Variants in HECTD4 observed in about 807,000 individuals in gnomAD.
HECTD4 encodes the protein HECT domain E3 ubiquitin protein ligase 4, also known as probable E3 ubiquitin-protein ligase HECTD4.
A neutral mutation model predicts 471.5 loss-of-function variants in HECTD4; 114 were observed. The observed-to-expected ratio is 0.24, with a 90% CI of 0.21 to 0.28. The LOEUF (loss-of-function observed/expected upper bound fraction) is 0.28. Ranked by LOEUF, HECTD4 falls within the 10% of genes least tolerant of loss-of-function variation. The pLI, the probability that HECTD4 is intolerant of heterozygous loss-of-function variation, is 1.00. For synonymous variants in HECTD4, 2,012 were observed against 2,256.0 expected, an observed-to-expected ratio of 0.89 and a Z score of 3.07; for missense variants, 3,866 against 5,651.5, an observed-to-expected ratio of 0.68 and a Z score of 10.13.
intron 72 of HECTD4, 60 bp from the exon 73 acceptor site, chr12:112,164,335 C>T: frequency 6.5e-7 from 1 of 1,544,366 alleles, no homozygotes; most frequent in Non-Finnish European, 8.8e-7. Context: ...AACCCTGATC[C>T]CCAGGTGGCT....
chr12:112,326,424 T>C (rs1005735959), intron 1 of HECTD4, among the ~76,000 whole-genome samples: 2 of 152,104 alleles, frequency 1.3e-5, no homozygotes, highest in African/African-American at 4.8e-5. Context: ...GCCCAGGAGT[T>C]CAAGGCTGCA....
At chr12:112,247,221 C>G (rs770608391) in intron 28 of HECTD4, 145 bp from the exon 29 acceptor site, 3 of 700,792 alleles carry the variant, frequency 4.3e-6, no homozygotes, top group Non-Finnish European at 7.0e-6. Flanking sequence ...TTCCCTGTTT[C>G]CTCATCCAAG....
At chr12:112,191,505 G>A (rs1221433382) in intron 59 of HECTD4, among the ~76,000 whole-genome samples, 2 of 152,154 alleles carry the variant, frequency 1.3e-5, no homozygotes, top group African/African-American at 4.8e-5. Context: ...AGAGGAAGAA[G>A]GTCCAAGGCT....
intron 34 of HECTD4, among the ~76,000 whole-genome samples, chr12:112,238,319 C>T (rs2033562690): frequency 1.3e-5 from 2 of 152,054 alleles, no homozygotes; most frequent in Non-Finnish European, 2.9e-5. Context: ...CTCAAGCAAT[C>T]TTCCCACTTC....
In HECTD4 at chr12:112,212,654, T is replaced by C. The variant is rs927283909; in HGVS notation, c.7466-4A>G. The C allele has an allele frequency of 6.3e-6, 10 of 1,596,524 alleles. No individual in the cohort carries two copies. Among genetic ancestry groups the C allele is most frequent in the Admixed American group, 1.8e-5 (1 of 56,226 alleles). On this transcript the variant is annotated splice_region_variant and splice_polypyrimidine_tract_variant and intron_variant, in intron 48 of 75. Transcript: ENST00000682272. ...CAGCCAATTCCTGCCACGTCACCTA[T>C]AGCAGAGAACGGGAAGGAAAACATA... is the stretch of plus-strand genomic sequence containing the variant.
chr12:112,243,554 T>C lies in HECTD4; in HGVS notation c.4792-35A>G, dbSNP rs749418937. 10 of 1,601,490 alleles carry C rather than the reference T, an allele frequency of 6.2e-6. No homozygotes were observed. Among genetic ancestry groups the C allele is most frequent in the Non-Finnish European group, 7.7e-6 (9 of 1,173,648 alleles). The stretch of plus-strand genomic sequence containing the variant: ...ACAAGGAGGGACACCTGACTCCTGC[T>C]AACTGCCGCAAGACCCCGCATGCTG... On this transcript the variant is annotated intron_variant, in intron 31 of 75. Transcript: ENST00000682272. This position sits in a 1 kb window ranked among gnomAD's most constrained non-coding sequence, Gnocchi z 6.6.
intron 45 of HECTD4, 126 bp downstream of exon 45, chr12:112,219,260 T>G (rs1435441677): frequency 1.8e-6 from 1 of 562,674 alleles, no homozygotes; most frequent in East Asian, 3.1e-5. Context: ...GGCATGTCAC[T>G]GCAAAAGAAT....
intron 55 of HECTD4, among the ~76,000 whole-genome samples, chr12:112,196,529 C>T (rs1014446062): frequency 1.3e-5 from 2 of 152,172 alleles, no homozygotes; most frequent in Non-Finnish European, 2.9e-5. Context: ...GAGAACCCCA[C>T]GGTTCTCCCC....
intron 34 of HECTD4, among the ~76,000 whole-genome samples, chr12:112,238,493 G>A (rs1030250139): frequency 6.6e-6 from 1 of 152,174 alleles, no homozygotes; most frequent in African/African-American, 2.4e-5. Context: ...GCCAAGGCGC[G>A]AGGACTGCTT....
intron 2 of HECTD4, among the ~76,000 whole-genome samples, chr12:112,315,658 C>T (rs775269781): frequency 1.2e-4 from 18 of 152,140 alleles, no homozygotes; most frequent in Non-Finnish European, 8.8e-5. Context: ...AAACCTTTAA[C>T]ATTTAGAAAG....
At chr12:112,260,991 T>A (rs1381438839) in intron 18 of HECTD4, among the ~76,000 whole-genome samples, 2 of 152,130 alleles carry the variant, frequency 1.3e-5, no homozygotes, top group African/African-American at 2.4e-5. Flanking sequence ...TAAGTGTGCA[T>A]GGTGCTGACC....
intron 1 of HECTD4, among the ~76,000 whole-genome samples, chr12:112,379,198 A>G (rs1354294115): frequency 6.6e-6 from 1 of 152,238 alleles, no homozygotes; most frequent in Non-Finnish European, 1.5e-5. Context: ...AGGCAATAAA[A>G]TATTATGATG....
chr12:112,237,049 G>A lies in HECTD4; in HGVS notation c.5340C>T (p.Ser1780=), dbSNP rs1232933879. The change falls in exon 35 of 76, where the codon AGC becomes AGT. Residue 1780 remains serine, a synonymous_variant. Coordinates refer to ENST00000682272, the MANE Select transcript of HECTD4 (RefSeq NM_001388303.1). ...VHSGLARQVS[S]LLTNHLARAT... is the part of the protein sequence containing the mutation. ...CTCGGGCAAGATGGTTAGTGAGAAG[G>A]CTGGACACCTGCCGGGCCAGACCTG... The A allele has an allele frequency of 1.2e-6, 2 of 1,603,776 alleles. No individual in the cohort carries two copies. The highest frequency in any genetic ancestry group is 1.7e-6 in the Non-Finnish European group (2 of 1,175,618).
chr12:112,330,069 G>A (rs2035817707), intron 1 of HECTD4, among the ~76,000 whole-genome samples: 6 of 152,086 alleles, frequency 3.9e-5, no homozygotes, highest in Admixed American at 3.9e-4. Flanking sequence ...CTGAGGTCAG[G>A]AGATCGAGAC....
At chr12:112,279,502 A>C in intron 8 of HECTD4, 116 bp from the exon 9 acceptor site, 1 of 853,250 alleles carries the variant, frequency 1.2e-6, no homozygotes, top group South Asian at 1.9e-5. Context: ...GATTTGGAAA[A>C]CAGATTTCCA....
At chr12:112,216,576 A>T (rs1039407411) in intron 47 of HECTD4, among the ~76,000 whole-genome samples, 197 bp downstream of exon 47, 1 of 152,246 alleles carries the variant, frequency 6.6e-6, no homozygotes, top group Non-Finnish European at 1.5e-5. Flanking sequence ...CAAAATAAAC[A>T]GATTTTTAAA....
chr12:112,233,198 C>A, intron 37 of HECTD4, 113 bp from the exon 38 acceptor site: 1 of 568,160 alleles, frequency 1.8e-6, no homozygotes, highest in Non-Finnish European at 3.1e-6. Flanking sequence ...CTAACATTAG[C>A]TTACACTAAC....
intron 26 of HECTD4, 23 bp from the exon 27 acceptor site, chr12:112,248,194 T>A (rs2033802818): frequency 1.3e-6 from 2 of 1,587,900 alleles, no homozygotes; most frequent in African/African-American, 1.3e-5. Flanking sequence ...TTAAAATAGA[T>A]GCAAAATAAA....
chr12:112,170,200 C>T, intron 69 of HECTD4, 133 bp downstream of exon 69: 1 of 1,273,544 alleles, frequency 7.9e-7, no homozygotes, highest in Non-Finnish European at 1.1e-6. Context: ...AGCCACACAC[C>T]AGGGCGCTCC....
Sources: gnomAD v4.1 joint callset for allele counts (sites outside exome capture counted in the v4.1 genomes callset) on GRCh38, gnomAD v4.1.1 for gene constraint, Gnocchi (gnomAD v3.1) non-coding constraint, MANE v1.5 for transcripts, NCBI Gene and HGNC (gene_info 2026-07-23, HGNC 2026-07-21) for gene names.